The following GPHN variants were observed in gnomAD, a reference collection of about 807,000 sequenced individuals.
GPHN encodes gephyrin.
Under a neutral mutation model 95.5 loss-of-function variants are expected in GPHN, and 17 were observed. The ratio of observed to expected loss-of-function variants is 0.18; its 90% CI spans 0.12 to 0.27. GPHN has a LOEUF of 0.27. Ranked by LOEUF, GPHN falls within the 10% of genes least tolerant of loss-of-function variation. The probability of loss-of-function intolerance (pLI) is 1.00; values close to 1 mark genes in which losing one functional copy is unlikely to be tolerated. For missense variants in GPHN, 660 were observed against 978.1 expected (o/e 0.67, Z 4.34); for synonymous variants, 320 against 322.5 (o/e 0.99, Z 0.08).
the GPHN span, among the ~76,000 whole-genome samples, chr14:67,412,944 C>T: frequency 1.1e-3 from 167 of 152,066 alleles, no homozygotes; most frequent in African/African-American, 3.8e-3. Flanking sequence ...TTTTATTTTT[C>T]GTAGAGATAG....
chr14:67,325,851 C>T, the GPHN span, among the ~76,000 whole-genome samples: 6 of 151,762 alleles, frequency 4.0e-5, no homozygotes, highest in African/African-American at 1.5e-4. Context: ...CTCTGTCGCC[C>T]AGGCTGGAAT....
chr14:66,608,756 C>T (rs983206555), intron 1 of GPHN, among the ~76,000 whole-genome samples: 1 of 152,096 alleles, frequency 6.6e-6, no homozygotes, highest in Non-Finnish European at 1.5e-5. Flanking sequence ...GTTTGCCCTT[C>T]TTAATTGTTT....
chr14:67,569,324 T>A, the GPHN span: 1 of 715,926 alleles, frequency 1.4e-6, no homozygotes. Flanking sequence ...TTGGCTGGCC[T>A]ACCCTGTTCC....
At chr14:66,737,321 TG>T in intron 2 of GPHN, among the ~76,000 whole-genome samples, 1 of 152,288 alleles carries the variant, frequency 6.6e-6, no homozygotes, top group African/African-American at 2.4e-5. Context: ...GATTCTCCCA[TG>T]CACATGGGAT....
At chr14:66,973,414 T>C (rs1482340132) in intron 9 of GPHN, among the ~76,000 whole-genome samples, 1 of 152,210 alleles carries the variant, frequency 6.6e-6, no homozygotes, top group African/African-American at 2.4e-5. Context: ...GGATAATAAC[T>C]AATTTTCCCC....
At chr14:66,817,134 C>G (rs1241515529) in intron 3 of GPHN, among the ~76,000 whole-genome samples, 1 of 151,980 alleles carries the variant, frequency 6.6e-6, no homozygotes, top group Non-Finnish European at 1.5e-5. Flanking sequence ...TGTTAATATA[C>G]TGATCTATTA....
the GPHN span, among the ~76,000 whole-genome samples, chr14:67,434,914 T>C: frequency 6.6e-6 from 1 of 151,246 alleles, no homozygotes; most frequent in African/African-American, 2.4e-5. Flanking sequence ...CATCACATGC[T>C]GAGGGGGTGA....
chr14:66,611,100 G>A (rs1172904735), intron 1 of GPHN, among the ~76,000 whole-genome samples: 3 of 152,106 alleles, frequency 2.0e-5, no homozygotes, highest in Non-Finnish European at 2.9e-5. Flanking sequence ...CATAATAAAA[G>A]CGGCTTTAAT....
chr14:67,323,753 G>A, the GPHN span: 1 of 1,604,906 alleles, frequency 6.2e-7, no homozygotes, highest in East Asian at 2.3e-5. Context: ...TATCTTCATT[G>A]CACCCCCTTC....
chr14:67,229,817 A>T, the GPHN span, among the ~76,000 whole-genome samples: 1 of 152,216 alleles, frequency 6.6e-6, no homozygotes, highest in Non-Finnish European at 1.5e-5. Context: ...TTACACACAA[A>T]AAAATGTGGC....
the GPHN span, chr14:67,690,124 G>A: frequency 1.7e-6 from 2 of 1,154,594 alleles, no homozygotes; most frequent in Non-Finnish European, 2.6e-6. Flanking sequence ...CTCTCCAGGT[G>A]ATGGGCTCTG....
chr14:66,685,710 T>G (rs904918994), intron 2 of GPHN, among the ~76,000 whole-genome samples: 5 of 152,182 alleles, frequency 3.3e-5, no homozygotes, highest in Non-Finnish European at 7.3e-5. Context: ...CTGTTCACTC[T>G]GATGGTAGTT....
chr14:66,610,306 C>CA (rs1314877772), intron 1 of GPHN, among the ~76,000 whole-genome samples: 1 of 152,088 alleles, frequency 6.6e-6, no homozygotes, highest in Non-Finnish European at 1.5e-5. Context: ...TGTATTTCAG[C>CA]AAGTTTAGAG....
At chr14:67,111,767 A>G (rs1384035353) in intron 14 of GPHN, 94 bp from the exon 15 acceptor site, 1 of 901,344 alleles carries the variant, frequency 1.1e-6, no homozygotes, top group Non-Finnish European at 1.9e-6. Context: ...ATTTGTATAT[A>G]TCCTGGGCCT....
At chr14:67,017,865 A>G (rs2073397888) in intron 9 of GPHN, among the ~76,000 whole-genome samples, 3 of 152,108 alleles carry the variant, frequency 2.0e-5, no homozygotes, top group African/African-American at 7.2e-5. Flanking sequence ...TTGTAAGCTG[A>G]TAAAACAGGT....
the GPHN span, chr14:67,570,913 G>T: frequency 6.6e-6 from 1 of 152,064 alleles, no homozygotes; most frequent in African/African-American, 2.4e-5. Flanking sequence ...TAGTAGAGAC[G>T]GGGTTTCACC....
the GPHN span, among the ~76,000 whole-genome samples, chr14:67,452,336 A>G: frequency 1.3e-5 from 2 of 152,016 alleles, no homozygotes; most frequent in East Asian, 3.9e-4. Flanking sequence ...AAAAAAAAAA[A>G]AAAAAAGAAA....
At chr14:66,774,312 G>A (rs1353682009) in intron 2 of GPHN, among the ~76,000 whole-genome samples, 1 of 152,018 alleles carries the variant, frequency 6.6e-6, no homozygotes, top group Non-Finnish European at 1.5e-5. Flanking sequence ...ATATCTACAA[G>A]GTTTTAATGT....
chr14:66,619,932 G>T (rs573793852), intron 1 of GPHN, among the ~76,000 whole-genome samples: 2 of 152,260 alleles, frequency 1.3e-5, no homozygotes, highest in South Asian at 4.1e-4. Flanking sequence ...CTTTATGGAA[G>T]AAGTACAAGG....
Sources: allele counts gnomAD v4.1 joint callset (sites outside exome capture counted in the v4.1 genomes callset), GRCh38; gene constraint gnomAD v4.1.1; transcripts MANE v1.5; gene names NCBI Gene and HGNC (gene_info 2026-07-23, HGNC 2026-07-21).